Variants in GSDMC observed in about 807,000 individuals in gnomAD.
GSDMC encodes gasdermin-C.
GSDMC carries 59 observed loss-of-function variants against 58.0 expected under a neutral mutation model. The ratio of observed to expected loss-of-function variants is 1.02; its 90% CI spans 0.82 to 1.26. The LOEUF (loss-of-function observed/expected upper bound fraction) is 1.26. GSDMC is among the 50% of genes most tolerant of loss of function. The pLI is 0.00. For missense variants in GSDMC, 659 were observed against 598.5 expected (o/e 1.10, Z -1.06); for synonymous variants, 241 against 220.2 (o/e 1.09, Z -0.83).
the GSDMC span, among the ~76,000 whole-genome samples, chr8:129,713,434 A>G: frequency 6.6e-6 from 1 of 152,168 alleles, no homozygotes; most frequent in Non-Finnish European, 1.5e-5. Flanking sequence ...TGTCTCAGGA[A>G]TGCAACCTCC....
intron 3 of GSDMC, among the ~76,000 whole-genome samples, chr8:129,769,029 G>A (rs2033961377): frequency 6.6e-6 from 1 of 152,042 alleles, no homozygotes; most frequent in South Asian, 2.1e-4. Context: ...AGTGAGCCAG[G>A]ATCTTGCCAC....
In GSDMC at chr8:129,752,134, T is replaced by C. The variant is rs2033229373; in HGVS notation, c.858A>G (p.Thr286=). ...DMKLKPELFL[T]QQFLSGHLPK... ...GCAAATGCCCGCTCAAAAATTGCTG[T>C]GTCAGAAATAGCTCTGGAAAGAGAA... The change falls in exon 8 of 14, where the codon ACA becomes ACG. Residue 286 remains threonine, a synonymous_variant. Transcript: ENST00000276708. 7 of 1,613,234 alleles carry C rather than the reference T, an allele frequency of 4.3e-6. No individual in the cohort carries two copies. The highest frequency in any genetic ancestry group is 5.9e-6 in the Non-Finnish European group (7 of 1,179,208).
At chr8:129,765,569 G>C in intron 4 of GSDMC, 59 bp downstream of exon 4, 2 of 1,256,742 alleles carry the variant, frequency 1.6e-6, no homozygotes, top group Non-Finnish European at 2.3e-6. Flanking sequence ...ATGAAGCTTG[G>C]CTGCCAGGAC....
In GSDMC at chr8:129,749,522, A is replaced by T. The variant is rs751797551; in HGVS notation, c.1217T>A (p.Leu406Gln). Residue 406 changes from leucine to glutamine, a missense_variant, in exon 13 of 14, where the codon CTG (leucine) becomes CAG (glutamine). Leu to Gln is a moderately radical substitution (Grantham distance 113). Coordinates refer to ENST00000276708, the MANE Select transcript of GSDMC (RefSeq NM_031415.3). ...ILYLLEAIMV[L>Q]SDFQHDLLAC... ...CAGCAAATCGTGTTGGAAGTCACTC[A>T]GCACTGAGGGTGGGGGACATGTGGG... 8 of 1,612,764 alleles carry T rather than the reference A, an allele frequency of 5.0e-6. No individual in the cohort carries two copies. Among genetic ancestry groups the T allele is most frequent in the Non-Finnish European group, 6.8e-6 (8 of 1,178,836 alleles).
chr8:129,753,265 G>A (rs1421904198), intron 6 of GSDMC, among the ~76,000 whole-genome samples: 3 of 152,206 alleles, frequency 2.0e-5, no homozygotes, highest in Non-Finnish European at 4.4e-5. Flanking sequence ...TGAAGAGAGT[G>A]AAGAGTACAG....
rs751537547 is a variant in GSDMC, at chr8:129,749,487, T to C, written c.1252A>G (p.Met418Val). The C allele has an allele frequency of 1.1e-5, 18 of 1,613,860 alleles. No homozygotes were observed. The highest frequency in any genetic ancestry group is 5.0e-5 in the Admixed American group (3 of 60,004). ...DFQHDLLACS[M>V]EKRILLQQQE... ...TGCTGAAGCAGGATCCTCTTCTCCATGGAACAGGCCAGCAAATCGTGTTGG... is the reference window on the plus strand; with the variant it reads ...TGCTGAAGCAGGATCCTCTTCTCCACGGAACAGGCCAGCAAATCGTGTTGG... The change falls in exon 13 of 14, where the codon ATG (methionine) becomes GTG (valine). Residue 418 changes from methionine (M) to valine (V), a missense_variant. Transcript: ENST00000276708.
chr8:129,771,089 T>C (rs1365302475), intron 3 of GSDMC, among the ~76,000 whole-genome samples: 3 of 150,722 alleles, frequency 2.0e-5, no homozygotes, highest in Non-Finnish European at 4.4e-5. Context: ...AAGTCAAAAC[T>C]GTAACAAGAT....
intron 4 of GSDMC, among the ~76,000 whole-genome samples, chr8:129,763,874 C>T (rs2033762315): frequency 6.6e-6 from 1 of 152,172 alleles, no homozygotes; most frequent in Non-Finnish European, 1.5e-5. Context: ...GCCACTGTGC[C>T]TAGCCTCCAA....
At chr8:129,783,333 T>A (rs1366397942) in intron 1 of GSDMC, among the ~76,000 whole-genome samples, 2 of 152,156 alleles carry the variant, frequency 1.3e-5, no homozygotes, top group Non-Finnish European at 2.9e-5. Flanking sequence ...TGGTCTTATA[T>A]ATGGAACAAA....
chr8:129,749,944 G>C (rs747307619), intron 12 of GSDMC, 46 bp downstream of exon 12: 8 of 1,523,502 alleles, frequency 5.3e-6, no homozygotes, highest in Non-Finnish European at 5.3e-6. Flanking sequence ...CGGGTCCTGG[G>C]GACCAATCTT....
chr8:129,785,995 T>A lies in GSDMC; in HGVS notation c.-5+16A>T, dbSNP rs536827483. ...TAATCTTTTCTTTTTCATCCCCTGA[T>A]CCCATTAGGACTTACCAGATTATAT... On this transcript the variant is annotated intron_variant, in intron 1 of 13. Transcript: ENST00000276708. The A allele has an allele frequency of 6.6e-5, 10 of 152,300 alleles. No homozygotes were observed. Among genetic ancestry groups the A allele is most frequent in the Admixed American group, 4.6e-4 (7 of 15,298 alleles). 9.4% of individuals were successfully genotyped at this position (152,300 alleles called of 1,614,324 possible). A position where few individuals can be genotyped will look rare whatever the true frequency, so the allele number is the denominator to read the frequency against.
At chr8:129,734,272 C>T in the GSDMC span, among the ~76,000 whole-genome samples, 1 of 152,210 alleles carries the variant, frequency 6.6e-6, no homozygotes, top group Admixed American at 6.5e-5. Context: ...TCCAGGAGAA[C>T]TTCCCCAATC....
chr8:129,716,670 G>A, the GSDMC span, among the ~76,000 whole-genome samples: 1 of 152,200 alleles, frequency 6.6e-6, no homozygotes, highest in African/African-American at 2.4e-5. Flanking sequence ...TAGGAGTGGT[G>A]AGAGAGGGCA....
At chr8:129,784,097 T>C (rs943290442) in intron 1 of GSDMC, among the ~76,000 whole-genome samples, 4 of 152,090 alleles carry the variant, frequency 2.6e-5, no homozygotes, top group African/African-American at 9.7e-5. Context: ...AAAATCAAAA[T>C]AGATTATAGA....
the GSDMC span, among the ~76,000 whole-genome samples, chr8:129,741,915 A>AATATATATATATATACATAT: frequency 1.9e-3 from 238 of 126,252 alleles, 6 homozygotes; most frequent in African/African-American, 8.2e-3. Flanking sequence ...AAGAAAATGT[A>AATATATATATATATACATAT]ATATATATAT....
At chr8:129,709,790 G>A in the GSDMC span, among the ~76,000 whole-genome samples, 1 of 152,034 alleles carries the variant, frequency 6.6e-6, no homozygotes, top group African/African-American at 2.4e-5. Context: ...TTTTCAAAAT[G>A]TCTCCTCAAA....
chr8:129,752,963 G>C (rs1200654077), intron 6 of GSDMC, 143 bp from the exon 7 acceptor site: 4 of 1,384,724 alleles, frequency 2.9e-6, no homozygotes, highest in African/African-American at 1.4e-5. Flanking sequence ...CACTCAAAGA[G>C]GAATTGCCCA....
rs1195131557 is a variant in GSDMC, at chr8:129,777,581, A to C, written c.7T>G (p.Ser3Ala). The C allele has an allele frequency of 6.3e-7, 1 of 1,580,360 alleles. No homozygotes were observed. Among genetic ancestry groups the C allele is most frequent in the Non-Finnish European group, 8.7e-7 (1 of 1,152,286 alleles). The change falls in exon 2 of 14, where the codon TCC becomes GCC. Residue 3 changes from serine (S) to alanine (A), a missense_variant. Physicochemically the swap from Ser to Ala is moderately conservative, Grantham distance 99. Transcript: ENST00000276708. MP[S>A]MLERISKNLV... ...TTTTTGCTAATGCGTTCCAACATGG[A>C]GGGCATGTTGCTAGGAGGAGATGAA...
In GSDMC at chr8:129,748,255, C is replaced by T. The variant is rs111395458; in HGVS notation, c.*246G>A. On this transcript the variant is annotated 3_prime_UTR_variant, in exon 14 of 14. Coordinates refer to ENST00000276708, the MANE Select transcript of GSDMC (RefSeq NM_031415.3). Reference sequence around the variant, plus strand: ...AAATTTATACATAGTGAAACGCTTACGTCTTTAACATACTATTTGAGGAGT... The same window carrying T: ...AAATTTATACATAGTGAAACGCTTATGTCTTTAACATACTATTTGAGGAGT... 3.0e-4 allele frequency: 100 copies of T among 333,076 alleles called. No homozygotes were observed. Among genetic ancestry groups the T allele is most frequent in the African/African-American group, 1.7e-3 (81 of 47,292 alleles). 20.6% of individuals were successfully genotyped at this position (333,076 alleles called of 1,614,324 possible).
Sources: allele counts gnomAD v4.1 joint callset (sites outside exome capture counted in the v4.1 genomes callset), GRCh38; gene constraint gnomAD v4.1.1; transcripts MANE v1.5; gene names NCBI Gene and HGNC (gene_info 2026-07-23, HGNC 2026-07-21).